PDE10A: variants seen among roughly 807,000 people sequenced by gnomAD.
The protein encoded by PDE10A is cAMP and cAMP-inhibited cGMP 3',5'-cyclic phosphodiesterase 10A.
PDE10A carries 39 observed loss-of-function variants against 97.7 expected under a neutral mutation model. The observed-to-expected ratio is 0.40, with a 90% CI of 0.31 to 0.52. The LOEUF (loss-of-function observed/expected upper bound fraction) is 0.52. Ranked by LOEUF, PDE10A falls within the 20% of genes least tolerant of loss-of-function variation. The pLI is 0.56. For synonymous variants in PDE10A, 371 were observed against 376.8 expected (o/e 0.98, Z 0.18); for missense variants, 731 against 1,047.8 (o/e 0.70, Z 4.17).
intron 1 of PDE10A, among the ~76,000 whole-genome samples, chr6:165,629,693 C>A (rs114832606): frequency 0.022 from 3,385 of 152,060 alleles, 144 homozygotes; most frequent in African/African-American, 0.078. Context: ...GCCACCACAC[C>A]CGGCTAATTT....
At chr6:165,508,706 T>C (rs896417987) in intron 2 of PDE10A, among the ~76,000 whole-genome samples, 2 of 151,964 alleles carry the variant, frequency 1.3e-5, no homozygotes, top group African/African-American at 4.8e-5. Flanking sequence ...CTATAGTAAC[T>C]GGGTTTAATT....
chr6:165,453,424 GA>G (rs2128251801), intron 3 of PDE10A, among the ~76,000 whole-genome samples: 1 of 152,332 alleles, frequency 6.6e-6, no homozygotes, highest in Admixed American at 6.5e-5. Context: ...GACAATGGGA[GA>G]AAGACCATAA....
chr6:165,444,048 G>A (rs958594478), intron 5 of PDE10A, among the ~76,000 whole-genome samples: 2 of 152,210 alleles, frequency 1.3e-5, no homozygotes, highest in South Asian at 2.1e-4. Flanking sequence ...AAACTTTTAC[G>A]TTCTGCTTCC....
At chr6:165,663,699 C>T (rs1212538630), upstream of PDE10A, among the ~76,000 whole-genome samples, 1 of 152,236 alleles carries the variant, frequency 6.6e-6, no homozygotes, top group African/African-American at 2.4e-5. Context: ...CGCATACTCA[C>T]TTTAAAACGA....
chr6:165,910,011 T>C (rs1782408817), intron 1 of PDE10A, among the ~76,000 whole-genome samples: 1 of 152,214 alleles, frequency 6.6e-6, no homozygotes, highest in Non-Finnish European at 1.5e-5. Context: ...AAAATGGATA[T>C]ATCTTGTTTA....
intron 1 of PDE10A, among the ~76,000 whole-genome samples, chr6:165,566,370 A>G (rs1305655578): frequency 6.6e-6 from 1 of 152,224 alleles, no homozygotes; most frequent in Non-Finnish European, 1.5e-5. Context: ...CAACAGTGAG[A>G]TACCATTACA....
chr6:165,482,907 T>C (rs778766432), intron 2 of PDE10A, among the ~76,000 whole-genome samples: 1 of 152,146 alleles, frequency 6.6e-6, no homozygotes, highest in Non-Finnish European at 1.5e-5. Context: ...GCATTGGTGA[T>C]TGGTAAAGTG....
chr6:165,584,064 G>A (rs887731469), intron 1 of PDE10A, among the ~76,000 whole-genome samples: 1 of 152,182 alleles, frequency 6.6e-6, no homozygotes, highest in African/African-American at 2.4e-5. Context: ...TGATTGCCAG[G>A]AGGAAATGGA....
chr6:165,872,547 T>C (rs1781231718), intron 1 of PDE10A, among the ~76,000 whole-genome samples: 2 of 152,180 alleles, frequency 1.3e-5, no homozygotes, highest in Admixed American at 6.5e-5. Context: ...AGCTCCCTCC[T>C]GACCGAACAC....
chr6:165,516,459 GCC>G (rs1270146332), intron 2 of PDE10A, among the ~76,000 whole-genome samples: 1 of 152,184 alleles, frequency 6.6e-6, no homozygotes, highest in South Asian at 2.1e-4. Flanking sequence ...AGGCTCTCCT[GCC>G]CCTGTTTTTA....
chr6:165,555,400 T>C (rs1784205094), intron 1 of PDE10A, among the ~76,000 whole-genome samples: 1 of 152,164 alleles, frequency 6.6e-6, no homozygotes, highest in Admixed American at 6.5e-5. Context: ...CCCAAAACAG[T>C]ACCTACTCCA....
chr6:165,769,188 G>A (rs1348695707), intron 1 of PDE10A, among the ~76,000 whole-genome samples: 1 of 152,184 alleles, frequency 6.6e-6, no homozygotes, highest in East Asian at 1.9e-4. Context: ...GTGGTCATTA[G>A]CCACACAGAG....
At chr6:165,518,628 G>T (rs550701385) in intron 2 of PDE10A, among the ~76,000 whole-genome samples, 3 of 152,240 alleles carry the variant, frequency 2.0e-5, no homozygotes, top group African/African-American at 7.2e-5. Flanking sequence ...ACACCAAGAG[G>T]CCGTAAAGCA....
intron 17 of PDE10A, among the ~76,000 whole-genome samples, chr6:165,384,933 T>G (rs141480104): frequency 0.017 from 2,512 of 152,218 alleles, 71 homozygotes; most frequent in African/African-American, 0.057. Flanking sequence ...TATCTGTCTG[T>G]GTGGCCAGAG....
chr6:165,978,489 C>G (rs921037227), intron 1 of PDE10A, among the ~76,000 whole-genome samples: 1 of 152,166 alleles, frequency 6.6e-6, no homozygotes, highest in African/African-American at 2.4e-5. Flanking sequence ...CAGGTGCTTT[C>G]CAATGGGATG....
intron 1 of PDE10A, among the ~76,000 whole-genome samples, chr6:165,930,066 TCC>T (rs1783081381): frequency 7.0e-6 from 1 of 143,130 alleles, no homozygotes; most frequent in African/African-American, 2.7e-5. Flanking sequence ...AAAAGAGTGC[TCC>T]CTAATGACCA....
chr6:165,826,770 C>T lies in PDE10A; in HGVS notation c.-615+160759G>A, dbSNP rs1318725039. Among the ~76,000 whole-genome samples, 3 of 72,484 alleles carry T rather than the reference C, an allele frequency of 4.1e-5. No individual in the cohort carries two copies. In the Admixed American group the frequency reaches 4.4e-4, roughly 11 times the overall value. The allele number at this position is 72,484 out of a possible 152,430, so 47.6% of individuals were successfully genotyped here. On this transcript the variant is annotated intron_variant, in intron 1 of 19. Coordinates refer to the PDE10A transcript ENST00000366882. ...ACGGAGCTGACATCATGGAGATGTG[C>T]GGTTGGGAGGGGGGACGCACAGGGG...
chr6:165,667,198 T>A (rs1238469106), upstream of PDE10A, among the ~76,000 whole-genome samples: 1 of 152,294 alleles, frequency 6.6e-6, no homozygotes, highest in East Asian at 1.9e-4. Flanking sequence ...TTCAATTAAA[T>A]TGTTTTTATT....
chr6:165,705,545 T>G (rs1791686391), intron 1 of PDE10A, among the ~76,000 whole-genome samples: 1 of 152,194 alleles, frequency 6.6e-6, no homozygotes, highest in Admixed American at 6.5e-5. Flanking sequence ...GGAAGGCAAA[T>G]TTCATGAATT....
Sources: gnomAD v4.1 joint callset for allele counts (sites outside exome capture counted in the v4.1 genomes callset) on GRCh38, gnomAD v4.1.1 for gene constraint, MANE v1.5 for transcripts, NCBI Gene and HGNC (gene_info 2026-07-23, HGNC 2026-07-21) for gene names.